EHBP1: variants seen among roughly 807,000 people sequenced by gnomAD.
The protein encoded by EHBP1 is EH domain-binding protein 1.
A neutral mutation model predicts 144.0 loss-of-function variants in EHBP1; 55 were observed. The ratio of observed to expected loss-of-function variants is 0.38; its 90% CI spans 0.31 to 0.48. The LOEUF is 0.48. Ranked by LOEUF, EHBP1 falls within the 20% of genes least tolerant of loss-of-function variation. EHBP1 has a pLI of 0.98. For missense variants in EHBP1, 1,200 were observed against 1,364.2 expected (o/e 0.88, Z 1.90); for synonymous variants, 469 against 472.7 (o/e 0.99, Z 0.10).
intron 19 of EHBP1, among the ~76,000 whole-genome samples, chr2:63,033,321 T>G (rs1024479244): frequency 2.0e-5 from 3 of 152,202 alleles, no homozygotes; most frequent in Non-Finnish European, 2.9e-5. Context: ...TGGTTTAGCT[T>G]TGCTATGTTC....
chr2:62,675,794 C>A (rs2033266013), intron 1 of EHBP1, among the ~76,000 whole-genome samples: 1 of 152,130 alleles, frequency 6.6e-6, no homozygotes. Context: ...TGAGATGGGT[C>A]CTGACGGGAG....
At chr2:62,826,469 A>G in intron 6 of EHBP1, 1 of 447,342 alleles carries the variant, frequency 2.2e-6, no homozygotes, top group Non-Finnish European at 3.9e-6. Flanking sequence ...CAGTAATATA[A>G]ACGTGAGCAC....
intron 10 of EHBP1, among the ~76,000 whole-genome samples, chr2:62,880,920 A>G (rs1268852110): frequency 1.3e-5 from 2 of 152,152 alleles, no homozygotes; most frequent in African/African-American, 2.4e-5. Flanking sequence ...TACCAAGTAT[A>G]TACCCAAACA....
chr2:63,011,989 T>C (rs2060286888), intron 19 of EHBP1, among the ~76,000 whole-genome samples: 1 of 151,954 alleles, frequency 6.6e-6, no homozygotes, highest in South Asian at 2.1e-4. Flanking sequence ...TAACAAAATA[T>C]AAGTAGCCAC....
chr2:62,982,505 G>GTCCCCTGA (rs2059014797), intron 15 of EHBP1, among the ~76,000 whole-genome samples: 1 of 152,170 alleles, frequency 6.6e-6, no homozygotes, highest in South Asian at 2.1e-4. Flanking sequence ...CCCTGATGAG[G>GTCCCCTGA]TTGTTAAGTC....
intron 3 of EHBP1, among the ~76,000 whole-genome samples, chr2:62,763,328 A>T (rs2040912343): frequency 6.6e-6 from 1 of 151,950 alleles, no homozygotes; most frequent in African/African-American, 2.4e-5. Context: ...CCCAAGGCAG[A>T]TTGTTTTTCA....
chr2:62,945,082 T>G (rs1335454405), intron 12 of EHBP1, among the ~76,000 whole-genome samples: 1 of 152,246 alleles, frequency 6.6e-6, no homozygotes, highest in Non-Finnish European at 1.5e-5. Flanking sequence ...TGCCTGAGAC[T>G]TTGTCACCTT....
chr2:62,736,567 C>G (rs895185337), intron 2 of EHBP1, among the ~76,000 whole-genome samples: 77 of 152,266 alleles, frequency 5.1e-4, no homozygotes, highest in African/African-American at 1.8e-3. Flanking sequence ...GTGATATACC[C>G]AAGCTCAGAG....
At position 63,014,903 on chromosome 2, in the gene EHBP1, G is replaced by A. The variant is rs570608566; in HGVS notation, c.3103+18137G>A. Among the ~76,000 whole-genome samples the A allele has an allele frequency of 5.6e-4, 85 of 152,232 alleles. 1 individual carries two copies. Among genetic ancestry groups the A allele is most frequent in the African/African-American group, 1.8e-3 (76 of 41,546 alleles). On this transcript the variant is annotated intron_variant, in intron 19 of 22. Coordinates refer to ENST00000431489, the MANE Select transcript of EHBP1 (RefSeq NM_001142616.3). ...TGAGGCAGGAGAATCGCTTGAGCCC[G>A]GGAGGTGGAGGTTACAGTGAGCCGA...
intron 19 of EHBP1, 128 bp downstream of exon 19, chr2:62,996,894 T>G: frequency 7.3e-7 from 1 of 1,367,784 alleles, no homozygotes; most frequent in Non-Finnish European, 9.9e-7. Flanking sequence ...ATAAAAAGGC[T>G]GCGATTTGCA....
At chr2:62,812,435 C>T (rs1286945695) in intron 5 of EHBP1, among the ~76,000 whole-genome samples, 1 of 152,118 alleles carries the variant, frequency 6.6e-6, no homozygotes, top group Admixed American at 6.5e-5. Context: ...TGCCTAGATT[C>T]CTATGAATAG....
At chr2:62,934,696 G>C (rs775394293) in intron 10 of EHBP1, among the ~76,000 whole-genome samples, 1 of 152,114 alleles carries the variant, frequency 6.6e-6, no homozygotes, top group Non-Finnish European at 1.5e-5. Context: ...GATTCCCAAG[G>C]GACATGCTTG....
chr2:62,777,571 T>C (rs936997701), intron 5 of EHBP1, among the ~76,000 whole-genome samples: 1 of 152,120 alleles, frequency 6.6e-6, no homozygotes, highest in Admixed American at 6.6e-5. Flanking sequence ...CAGTTATAAC[T>C]GGTAGTTTTT....
At chr2:62,758,020 A>G (rs1443534775) in intron 3 of EHBP1, among the ~76,000 whole-genome samples, 2 of 152,138 alleles carry the variant, frequency 1.3e-5, no homozygotes, top group Non-Finnish European at 2.9e-5. Context: ...TCAAAAAAAA[A>G]AAAAAAAAAT....
intron 3 of EHBP1, among the ~76,000 whole-genome samples, chr2:62,763,031 A>G (rs956036445): frequency 6.6e-6 from 1 of 152,076 alleles, no homozygotes; most frequent in African/African-American, 2.4e-5. Flanking sequence ...TCTTTATTAT[A>G]TAAGAGCCTC....
In EHBP1 at chr2:62,796,658, T is replaced by C. The variant is rs189634972; in HGVS notation, c.312+25266T>C. On this transcript the variant is annotated intron_variant, in intron 5 of 22. Transcript: ENST00000431489. Reference sequence around the variant, plus strand: ...TATTCAAAGTTCCAATGCAGCTTAATACTTTGACTTCCATAGCATATACCA... The same window carrying C: ...TATTCAAAGTTCCAATGCAGCTTAACACTTTGACTTCCATAGCATATACCA... 4.0e-3 allele frequency among the ~76,000 whole-genome samples: 613 copies of C among 152,296 alleles called. 3 individuals are homozygous for C. Among genetic ancestry groups the C allele is most frequent in the Non-Finnish European group, 5.9e-3 (401 of 68,012 alleles).
At chr2:63,031,286 G>C (rs1429128629) in intron 19 of EHBP1, among the ~76,000 whole-genome samples, 2 of 152,098 alleles carry the variant, frequency 1.3e-5, no homozygotes, top group Non-Finnish European at 2.9e-5. Flanking sequence ...CAGGAGAGTG[G>C]AGAGCTGTCA....
intron 2 of EHBP1, among the ~76,000 whole-genome samples, chr2:62,708,679 A>G (rs1160739889): frequency 6.6e-6 from 1 of 152,182 alleles, no homozygotes; most frequent in Admixed American, 6.5e-5. Flanking sequence ...AGGGAAAAAC[A>G]ATTCTTTAAG....
chr2:62,729,509 T>A (rs2037248330), intron 2 of EHBP1, among the ~76,000 whole-genome samples: 1 of 96,168 alleles, frequency 1.0e-5, no homozygotes, highest in Admixed American at 1.4e-4. Flanking sequence ...ATAATAAATA[T>A]AATAAAATAA....
Sources: gnomAD v4.1 joint callset for allele counts (sites outside exome capture counted in the v4.1 genomes callset) on GRCh38, gnomAD v4.1.1 for gene constraint, MANE v1.5 for transcripts, NCBI Gene and HGNC (gene_info 2026-07-23, HGNC 2026-07-21) for gene names.